Variants in SENP7 observed in about 807,000 individuals in gnomAD.
The protein encoded by SENP7 is sentrin-specific protease 7.
SENP7 carries 64 observed loss-of-function variants against 141.2 expected under a neutral mutation model. That is an observed-to-expected ratio of 0.45 (90% CI 0.37 to 0.56). The LOEUF (loss-of-function observed/expected upper bound fraction) is 0.56, where lower values mean the gene tolerates loss of function less well. SENP7 is among the 20% of genes least tolerant of loss of function. SENP7 has a pLI of 0.00. For missense variants in SENP7, 1,025 were observed against 1,212.2 expected (o/e 0.85, Z 2.29); for synonymous variants, 382 against 426.4 (o/e 0.90, Z 1.28).
At chr3:101,457,622 T>G (rs1316057745) in intron 4 of SENP7, 49 of 1,563,966 alleles carry the variant, frequency 3.1e-5, no homozygotes, top group Non-Finnish European at 8.8e-7. Flanking sequence ...CTGCTGTGGC[T>G]GTTCTATGAA....
chr3:101,352,255 T>A (rs2059631490), intron 11 of SENP7, among the ~76,000 whole-genome samples: 1 of 152,008 alleles, frequency 6.6e-6, no homozygotes, highest in Non-Finnish European at 1.5e-5. Context: ...AACTAAAAAA[T>A]TCAGTTGTTT....
intron 3 of SENP7, among the ~76,000 whole-genome samples, chr3:101,483,892 G>A (rs1255981049): frequency 6.6e-6 from 1 of 152,116 alleles, no homozygotes; most frequent in Non-Finnish European, 1.5e-5. Context: ...TCCAGACATG[G>A]TGGCAGGTGC....
intron 1 of SENP7, among the ~76,000 whole-genome samples, chr3:101,506,019 A>ATTTTTTTTTTTTTTTTTTTTTTTT (rs143265103): frequency 2.1e-5 from 3 of 142,126 alleles, no homozygotes. Context: ...TTTATTCCAT[A>ATTTTTTTTTTTTTTTTTTTTTTTT]ATTTTTTTTT....
chr3:101,505,909 T>C (rs1450038906), intron 1 of SENP7, among the ~76,000 whole-genome samples: 3 of 152,186 alleles, frequency 2.0e-5, no homozygotes, highest in Non-Finnish European at 4.4e-5. Context: ...AAGACTGTAG[T>C]ATATTAGCAT....
At chr3:101,434,005 C>G (rs1018348472) in intron 4 of SENP7, among the ~76,000 whole-genome samples, 1 of 152,080 alleles carries the variant, frequency 6.6e-6, no homozygotes, top group Non-Finnish European at 1.5e-5. Flanking sequence ...GCACATAGAC[C>G]ATTCTTAAGG....
Position 101,376,614 on chromosome 3 carries a change from T to C in SENP7, c.678-4488A>G, listed in dbSNP as rs1009484334. Among the ~76,000 whole-genome samples, 5 of 150,178 alleles carry C rather than the reference T, an allele frequency of 3.3e-5. No individual in the cohort carries two copies. In the East Asian group the frequency reaches 9.9e-4, roughly 30 times the overall value. ...ACACATGGACACAGGAAGGGGAATA[T>C]CACACTCTGGGGACTGTTGTGGGGT... On this transcript the variant is annotated intron_variant, in intron 6 of 23. Transcript: ENST00000394095.
intron 5 of SENP7, among the ~76,000 whole-genome samples, chr3:101,411,660 C>G (rs2061461660): frequency 6.6e-6 from 1 of 152,138 alleles, no homozygotes; most frequent in African/African-American, 2.4e-5. Context: ...TTCAGAAGTT[C>G]TGAATTTCTG....
chr3:101,490,600 C>G (rs1045092996), intron 3 of SENP7, among the ~76,000 whole-genome samples: 7 of 151,890 alleles, frequency 4.6e-5, no homozygotes, highest in Non-Finnish European at 8.8e-5. Flanking sequence ...AAAATGAAAA[C>G]AAGGAAAATT....
At chr3:101,487,262 A>T (rs1253382367) in intron 3 of SENP7, among the ~76,000 whole-genome samples, 1 of 152,220 alleles carries the variant, frequency 6.6e-6, no homozygotes, top group African/African-American at 2.4e-5. Flanking sequence ...ACCTTAAAAC[A>T]AATAGACTTA....
At chr3:101,377,073 G>A (rs952696049) in intron 6 of SENP7, among the ~76,000 whole-genome samples, 3 of 152,000 alleles carry the variant, frequency 2.0e-5, no homozygotes, top group African/African-American at 7.3e-5. Context: ...AATATGATCG[G>A]ATTCAACCAC....
At chr3:101,348,606 A>G (rs2553420) in intron 12 of SENP7, among the ~76,000 whole-genome samples, 132,424 of 152,060 alleles carry the variant, frequency 0.87, 58,239 homozygotes, top group East Asian at 1. Flanking sequence ...CTATACAGAT[A>G]AGCCACTATC....
intron 3 of SENP7, among the ~76,000 whole-genome samples, chr3:101,470,805 T>G (rs1559876473): frequency 6.6e-6 from 1 of 152,186 alleles, no homozygotes; most frequent in Non-Finnish European, 1.5e-5. Context: ...CAGCAAAGTC[T>G]CAGGATACAA....
intron 6 of SENP7, among the ~76,000 whole-genome samples, chr3:101,397,463 C>G (rs866909423): frequency 2.0e-5 from 3 of 152,192 alleles, no homozygotes; most frequent in Non-Finnish European, 4.4e-5. Flanking sequence ...AGATACATTA[C>G]TAATTTCCCC....
chr3:101,421,258 T>C (rs1240180221), intron 4 of SENP7, among the ~76,000 whole-genome samples: 1 of 151,990 alleles, frequency 6.6e-6, no homozygotes, highest in Admixed American at 6.6e-5. Flanking sequence ...GTGATGCCCA[T>C]CTATATACAT....
intron 13 of SENP7, among the ~76,000 whole-genome samples, chr3:101,344,991 CAAAAAAAA>C (rs71132568): frequency 1.6e-5 from 1 of 61,342 alleles, no homozygotes; most frequent in African/African-American, 6.7e-5. Context: ...AAAAAGAAAG[CAAAAAAAA>C]AAAAAAAAAA....
At chr3:101,403,976 T>C (rs2061228370) in intron 5 of SENP7, among the ~76,000 whole-genome samples, 1 of 152,136 alleles carries the variant, frequency 6.6e-6, no homozygotes, top group Non-Finnish European at 1.5e-5. Flanking sequence ...AGTATCAATA[T>C]TAAAATGGCC....
chr3:101,479,424 C>T (rs1449697861), intron 3 of SENP7, among the ~76,000 whole-genome samples: 2 of 151,992 alleles, frequency 1.3e-5, no homozygotes, highest in Admixed American at 6.6e-5. Flanking sequence ...GGCAAGACAC[C>T]ATCCTCTGCA....
At position 101,367,680 on chromosome 3, in the gene SENP7, T is replaced by C. The variant is rs190473603; in HGVS notation, c.978+150A>G. ...CCAAGAAAAGTTACATTTAGAATTG[T>C]TTTTTAATAATAAAGCTAACAGTGA... On this transcript the variant is annotated intron_variant, in intron 8 of 23. Transcript: ENST00000394095. 1,000 of 516,028 alleles carry C rather than the reference T, an allele frequency of 1.9e-3. 14 individuals are homozygous for C. The highest frequency in any genetic ancestry group is 5.2e-4 in the Non-Finnish European group (154 of 298,630). The allele number at this position is 516,028 out of a possible 1,614,324, so 32.0% of individuals were successfully genotyped here.
intron 4 of SENP7, among the ~76,000 whole-genome samples, chr3:101,444,783 C>A (rs1198822825): frequency 6.6e-6 from 1 of 151,520 alleles, no homozygotes; most frequent in African/African-American, 2.4e-5. Context: ...GGGAGATATA[C>A]CTAATGCTAG....
Sources: allele counts gnomAD v4.1 joint callset (sites outside exome capture counted in the v4.1 genomes callset), GRCh38; gene constraint gnomAD v4.1.1; transcripts MANE v1.5; gene names NCBI Gene and HGNC (gene_info 2026-07-23, HGNC 2026-07-21).